The following ENAH variants were observed in gnomAD, a reference collection of about 807,000 sequenced individuals.
ENAH encodes ENAH actin regulator.
A neutral mutation model predicts 78.7 loss-of-function variants in ENAH; 23 were observed. The observed-to-expected ratio is 0.29, with a 90% CI of 0.21 to 0.41. The LOEUF (loss-of-function observed/expected upper bound fraction) is 0.41, where lower values mean the gene tolerates loss of function less well. ENAH is among the 10% of genes least tolerant of loss of function. The pLI, the probability that ENAH is intolerant of heterozygous loss-of-function variation, is 1.00. For synonymous variants in ENAH, 226 were observed against 241.0 expected, an observed-to-expected ratio of 0.94 and a Z score of 0.58; for missense variants, 544 against 691.0, an observed-to-expected ratio of 0.79 and a Z score of 2.39.
chr1:225,512,849 C>G, intron 8 of ENAH, 22 bp downstream of exon 8: 1 of 1,611,908 alleles, frequency 6.2e-7, no homozygotes, highest in Non-Finnish European at 8.5e-7. Flanking sequence ...CTGGGCATGT[C>G]CATTATAATG....
intron 1 of ENAH, among the ~76,000 whole-genome samples, chr1:225,640,990 A>G (rs924272029): frequency 6.7e-6 from 1 of 148,550 alleles, no homozygotes; most frequent in Non-Finnish European, 1.5e-5. Context: ...CCGCCTCCCG[A>G]GTAGCTGGGA....
Position 225,517,268 on chromosome 1 carries a change from G to C in ENAH, c.841C>G (p.Leu281Val). 1.3e-6 allele frequency: 2 copies of C among 1,551,754 alleles called. No homozygotes were observed. Among genetic ancestry groups the C allele is most frequent in the Non-Finnish European group, 1.7e-6 (2 of 1,147,102 alleles). ...GGCTCAGAAGCAGAAGAGTCTCCCAGCACAGAGTTTAGAGGAGTCTCAACA... is the reference window on the plus strand; with the variant it reads ...GGCTCAGAAGCAGAAGAGTCTCCCACCACAGAGTTTAGAGGAGTCTCAACA... ...ASVETPLNSV[L>V]GDSSASEPGL... Residue 281 changes from leucine to valine, a missense_variant, in exon 6 of 14, where the codon CTG becomes GTG. This residue lies in a region of ENAH where 366 missense variants were observed against 396.1 expected (regional missense o/e 0.92). Transcript: ENST00000366843.
At position 225,604,549 on chromosome 1, in the gene ENAH, C is replaced by T. The variant is rs1053293718; in HGVS notation, c.6-37135G>A. ...CTGTAATCTCAGCACTTTAGGAGGC[C>T]GAGGCGGGCAGATCACTTGAGGTCA... On this transcript the variant is annotated intron_variant, in intron 1 of 13. Transcript: ENST00000366843. 3.3e-5 allele frequency among the ~76,000 whole-genome samples: 5 copies of T among 150,470 alleles called. No individual in the cohort carries two copies. The South Asian group carries it at 8.4e-4, about 25-fold the overall frequency.
At chr1:225,614,814 T>C (rs1436189851) in intron 1 of ENAH, among the ~76,000 whole-genome samples, 1 of 152,196 alleles carries the variant, frequency 6.6e-6, no homozygotes, top group African/African-American at 2.4e-5. Context: ...TATGTATTTC[T>C]TATTATATTA....
At chr1:225,562,509 T>C (rs2096711701) in intron 2 of ENAH, among the ~76,000 whole-genome samples, 1 of 134,558 alleles carries the variant, frequency 7.4e-6, no homozygotes, top group Non-Finnish European at 1.5e-5. Context: ...AAGGCAGAGC[T>C]TGCAGTGAGC....
In ENAH at chr1:225,556,161, G is replaced by A. The variant is rs547929137; in HGVS notation, c.172-1078C>T. On this transcript the variant is annotated intron_variant, in intron 2 of 13. Coordinates refer to ENST00000366843, the MANE Select transcript of ENAH (RefSeq NM_018212.6). ...TGCAGTTTGGGCTATTAAAAATTGCGATGTTATGAACTTTCTACTGCATGT... is the reference window on the plus strand; with the variant it reads ...TGCAGTTTGGGCTATTAAAAATTGCAATGTTATGAACTTTCTACTGCATGT... Among the ~76,000 whole-genome samples, 9 of 152,244 alleles carry A rather than the reference G, an allele frequency of 5.9e-5. No individual in the cohort carries two copies. The South Asian group carries it at 6.2e-4, about 11-fold the overall frequency.
intron 1 of ENAH, among the ~76,000 whole-genome samples, chr1:225,619,208 G>C (rs1656357521): frequency 6.6e-6 from 1 of 151,924 alleles, no homozygotes; most frequent in South Asian, 2.1e-4. Context: ...GATAAATCCT[G>C]TTAAAAACCT....
intron 2 of ENAH, among the ~76,000 whole-genome samples, chr1:225,560,392 G>A (rs2096696147): frequency 6.6e-6 from 1 of 151,982 alleles, no homozygotes; most frequent in Non-Finnish European, 1.5e-5. Flanking sequence ...TTGGGAGACT[G>A]AGGCAGGAGA....
chr1:225,571,182 G>A (rs994402865), intron 1 of ENAH, among the ~76,000 whole-genome samples: 8 of 151,650 alleles, frequency 5.3e-5, no homozygotes, highest in Non-Finnish European at 1.0e-4. Context: ...AGACCAGCCT[G>A]GCCAACATAG....
At chr1:225,573,051 C>T (rs1038946490) in intron 1 of ENAH, among the ~76,000 whole-genome samples, 2 of 152,126 alleles carry the variant, frequency 1.3e-5, no homozygotes, top group Admixed American at 6.5e-5. Flanking sequence ...GTGATGAGAA[C>T]GCTTGCCAAG....
intron 1 of ENAH, among the ~76,000 whole-genome samples, chr1:225,586,212 C>T (rs2096845385): frequency 7.3e-6 from 1 of 137,892 alleles, no homozygotes; most frequent in African/African-American, 2.7e-5. Flanking sequence ...CGAGGTTGCA[C>T]CACTGCACTC....
chr1:225,597,933 T>A (rs1204246432), intron 1 of ENAH, among the ~76,000 whole-genome samples: 1 of 148,456 alleles, frequency 6.7e-6, no homozygotes, highest in East Asian at 2.0e-4. Context: ...TCTCTCCACT[T>A]AACTTTTTTT....
intron 3 of ENAH, among the ~76,000 whole-genome samples, chr1:225,537,923 T>C (rs924903184): frequency 3.9e-5 from 6 of 152,192 alleles, no homozygotes; most frequent in African/African-American, 9.7e-5. Flanking sequence ...ATTTTATTAC[T>C]GTATATAATT....
At chr1:225,599,584 T>C (rs1031464685) in intron 1 of ENAH, among the ~76,000 whole-genome samples, 6 of 151,182 alleles carry the variant, frequency 4.0e-5, no homozygotes, top group African/African-American at 1.5e-4. Context: ...GGTGGGGAGA[T>C]CACCTGAGGT....
intron 3 of ENAH, among the ~76,000 whole-genome samples, chr1:225,531,949 A>C (rs150761235): frequency 2.0e-5 from 3 of 152,208 alleles, no homozygotes; most frequent in African/African-American, 7.2e-5. Flanking sequence ...CTGCAGTGAT[A>C]TATTTCATTA....
intron 1 of ENAH, among the ~76,000 whole-genome samples, chr1:225,600,008 G>A (rs1210759766): frequency 6.6e-6 from 1 of 152,002 alleles, no homozygotes; most frequent in African/African-American, 2.4e-5. Flanking sequence ...CTCTCCCCAT[G>A]TGACATGCCT....
chr1:225,601,423 C>CAAGAGAATGGCGTGAACCTGG (rs1273418519), intron 1 of ENAH, among the ~76,000 whole-genome samples: 2 of 151,186 alleles, frequency 1.3e-5, no homozygotes, highest in South Asian at 4.2e-4. Context: ...GAGGCTGAGG[C>CAAGAGAATGGCGTGAACCTGG]AAGAGAATGG....
chr1:225,608,319 A>G (rs2096968090), intron 1 of ENAH, among the ~76,000 whole-genome samples: 1 of 151,626 alleles, frequency 6.6e-6, no homozygotes, highest in Non-Finnish European at 1.5e-5. Context: ...CCCTTTTCAG[A>G]GTCCATTACC....
At chr1:225,634,720 A>T (rs762405649) in intron 1 of ENAH, among the ~76,000 whole-genome samples, 22 of 152,154 alleles carry the variant, frequency 1.4e-4, no homozygotes, top group Non-Finnish European at 3.1e-4. Context: ...AAATCTATTG[A>T]ATGTGAGGGT....
Sources: gnomAD v4.1 joint callset for allele counts (sites outside exome capture counted in the v4.1 genomes callset) on GRCh38, gnomAD v4.1.1 for gene constraint, gnomAD v4.1.1 regional missense constraint, MANE v1.5 for transcripts, NCBI Gene and HGNC (gene_info 2026-07-23, HGNC 2026-07-21) for gene names.